Variants in TEX101 observed in about 807,000 individuals in gnomAD.
TEX101 encodes testis expressed 101.
In TEX101, 10 loss-of-function variants were observed where a neutral mutation model predicts 18.1. That is an observed-to-expected ratio of 0.55 (90% CI 0.34 to 0.94). The LOEUF is 0.94. Among genes scored for constraint, TEX101 ranks in the 40% least tolerant of loss-of-function variants. The pLI is 0.02. For missense variants in TEX101, 259 were observed against 298.9 expected (o/e 0.87, Z 0.98); for synonymous variants, 94 against 114.8 (o/e 0.82, Z 1.16).
chr19:43,416,296 T>C (rs1260137373), intron 3 of TEX101, 54 bp downstream of exon 3: 3 of 1,585,968 alleles, frequency 1.9e-6, no homozygotes, highest in Non-Finnish European at 2.6e-6. Flanking sequence ...ATTATCTCCA[T>C]GCCAATGCTT....
the TEX101 span, among the ~76,000 whole-genome samples, chr19:43,392,104 A>G: frequency 0.19 from 29,227 of 151,936 alleles, 3,431 homozygotes; most frequent in East Asian, 0.58. Context: ...GAGAGAGAGA[A>G]AATGATAAAG....
chr19:43,390,649 A>G, the TEX101 span, among the ~76,000 whole-genome samples: 1 of 150,878 alleles, frequency 6.6e-6, no homozygotes, highest in African/African-American at 2.4e-5. Context: ...TTGTAGTTTT[A>G]GCAGAGAGGG....
chr19:43,398,240 AATATATAAT>A (rs964710685), upstream of TEX101, among the ~76,000 whole-genome samples: 16 of 119,338 alleles, frequency 1.3e-4, no homozygotes, highest in South Asian at 1.4e-3. Flanking sequence ...TAATATATAA[AATATATAAT>A]ATATATAATA....
chr19:43,394,472 C>CTT, the TEX101 span, among the ~76,000 whole-genome samples: 6 of 140,278 alleles, frequency 4.3e-5, no homozygotes, highest in Middle Eastern at 3.6e-3. Context: ...GCCTGACTTA[C>CTT]TTTTTTTTTT....
At chr19:43,414,649 G>A (rs540748304), upstream of TEX101, among the ~76,000 whole-genome samples, 13 of 152,302 alleles carry the variant, frequency 8.5e-5, no homozygotes, top group Non-Finnish European at 1.6e-4. Context: ...ATCTGGCAAC[G>A]CACTGCCCAC....
exon 3 of TEX101, chr19:43,406,512 C>T: frequency 1.3e-6 from 1 of 750,362 alleles, no homozygotes; most frequent in Non-Finnish European, 2.5e-6. Context: ...CGCATGGGGG[C>T]GAGGCAGGTA....
chr19:43,391,681 C>T, the TEX101 span, among the ~76,000 whole-genome samples: 2 of 152,212 alleles, frequency 1.3e-5, 1 homozygote, highest in Non-Finnish European at 2.9e-5. Context: ...CATTCTTTGC[C>T]ACAGCTGCCC....
chr19:43,409,700 C>T (rs970172227), intron 3 of TEX101, among the ~76,000 whole-genome samples: 4 of 151,642 alleles, frequency 2.6e-5, no homozygotes, highest in South Asian at 2.1e-4. Flanking sequence ...ACCTGGGAGG[C>T]GAAGGTTGCA....
the TEX101 span, among the ~76,000 whole-genome samples, chr19:43,395,723 C>T: frequency 3.3e-5 from 5 of 152,216 alleles, no homozygotes; most frequent in Admixed American, 1.3e-4. Context: ...CCTGTAGGTT[C>T]CTGTTAGGTT....
At chr19:43,393,225 G>A in the TEX101 span, among the ~76,000 whole-genome samples, 26 of 152,194 alleles carry the variant, frequency 1.7e-4, no homozygotes, top group Non-Finnish European at 2.2e-4. Flanking sequence ...GGAGGAGACA[G>A]AGCCAGAAAC....
intron 1 of TEX101, among the ~76,000 whole-genome samples, 164 bp downstream of exon 1, chr19:43,415,202 C>G (rs559417054): frequency 1.3e-4 from 19 of 150,898 alleles, no homozygotes; most frequent in Admixed American, 4.6e-4. Context: ...GCTGGGCTCT[C>G]AGAATCCCGG....
chr19:43,396,051 C>T, the TEX101 span, among the ~76,000 whole-genome samples: 2 of 152,316 alleles, frequency 1.3e-5, no homozygotes, highest in South Asian at 2.1e-4. Flanking sequence ...TGTAAACTCC[C>T]GGCCTGCCCT....
chr19:43,415,476 G>A (rs943341032), intron 1 of TEX101, among the ~76,000 whole-genome samples: 1 of 152,094 alleles, frequency 6.6e-6, no homozygotes, highest in Non-Finnish European at 1.5e-5. Context: ...AAACCCCACT[G>A]TGAGGCCGGG....
Position 43,415,946 on chromosome 19 carries a change from G to T in TEX101, c.27G>T (p.Leu9Phe), listed in dbSNP as rs780856923. ...TGGGAACCCCTCGTATCCAGCATTT[G>T]CTGATCCTCCTGGTCCTAGGAGCCT... The part of the protein sequence containing the change: MGTPRIQH[L>F]LILLVLGASL... Residue 9 changes from leucine (L) to phenylalanine (F), a missense_variant, in exon 2 of 6, where the codon TTG becomes TTT. By Grantham distance (22) the Leu-to-Phe change is conservative. Transcript: ENST00000598265. 14 of 1,614,068 alleles carry T rather than the reference G, an allele frequency of 8.7e-6. No homozygotes were observed. Among genetic ancestry groups the T allele is most frequent in the African/African-American group, 2.7e-5 (2 of 74,916 alleles).
At chr19:43,408,340 C>T (rs528645768) in intron 3 of TEX101, among the ~76,000 whole-genome samples, 14 of 152,210 alleles carry the variant, frequency 9.2e-5, no homozygotes, top group Admixed American at 5.9e-4. Flanking sequence ...CAAGGCACGT[C>T]GGAGGGTGGC....
chr19:43,416,095 T>C lies in TEX101; in HGVS notation c.65-4T>C, dbSNP rs1970473103. The C allele has an allele frequency of 6.2e-7, 1 of 1,606,844 alleles. No individual in the cohort carries two copies. On this transcript the variant is annotated splice_region_variant and splice_polypyrimidine_tract_variant and intron_variant, in intron 2 of 5. Coordinates refer to ENST00000598265, the MANE Select transcript of TEX101 (RefSeq NM_001130011.3). ...TGCTTATCCTTTTCTTGTTTTCTCCTCAGCGGGCCTAGAGCTGTATTGTCA... is the reference window on the plus strand; with the variant it reads ...TGCTTATCCTTTTCTTGTTTTCTCCCCAGCGGGCCTAGAGCTGTATTGTCA...
In TEX101 at chr19:43,418,460, A is replaced by G; in HGVS notation, c.*63A>G. The G allele has an allele frequency of 7.2e-7, 1 of 1,385,886 alleles. No individual in the cohort carries two copies. Among genetic ancestry groups the G allele is most frequent in the Non-Finnish European group, 1.0e-6 (1 of 996,664 alleles). 85.8% of individuals were successfully genotyped at this position (1,385,886 alleles called of 1,614,324 possible). ...TTGACTGGGAGCCTTCTTACTGTTG[A>G]GGTTCAACAAGCTGAGGAGTAGATG... is the stretch of plus-strand genomic sequence containing the variant. On this transcript the variant is annotated 3_prime_UTR_variant, in exon 6 of 6. Transcript: ENST00000598265.
the TEX101 span, among the ~76,000 whole-genome samples, chr19:43,393,070 AGAAG>A: frequency 6.9e-6 from 1 of 145,312 alleles, no homozygotes; most frequent in Non-Finnish European, 1.5e-5. Flanking sequence ...AAAGAAAGAA[AGAAG>A]GGAAGGAAGG....
the TEX101 span, among the ~76,000 whole-genome samples, chr19:43,389,763 C>T: frequency 6.6e-6 from 1 of 152,348 alleles, no homozygotes; most frequent in Admixed American, 6.5e-5. Flanking sequence ...GCTTCCACTT[C>T]CTTGCCCCTT....
Sources: gnomAD v4.1 joint callset for allele counts (sites outside exome capture counted in the v4.1 genomes callset) on GRCh38, gnomAD v4.1.1 for gene constraint, MANE v1.5 for transcripts, NCBI Gene and HGNC (gene_info 2026-07-23, HGNC 2026-07-21) for gene names.